ARID4A: variants seen among roughly 807,000 people sequenced by gnomAD.
The protein encoded by ARID4A is AT-rich interaction domain 4A, also known as AT-rich interactive domain-containing protein 4A.
In ARID4A, 39 loss-of-function variants were observed where a neutral mutation model predicts 148.6. The observed-to-expected ratio is 0.26, with a 90% CI of 0.20 to 0.34. The LOEUF (loss-of-function observed/expected upper bound fraction) is 0.34, where lower values mean the gene tolerates loss of function less well. Among genes scored for constraint, ARID4A ranks in the 10% least tolerant of loss-of-function variants. The pLI is 1.00. For synonymous variants in ARID4A, 475 were observed against 481.2 expected (o/e 0.99, Z 0.17); for missense variants, 1,265 against 1,449.1 (o/e 0.87, Z 2.06).
chr14:58,328,266 C>A lies in ARID4A; in HGVS notation c.612C>A (p.Ile204=). 1 of 1,602,008 alleles carries A rather than the reference C, an allele frequency of 6.2e-7. No individual in the cohort carries two copies. Among genetic ancestry groups the A allele is most frequent in the Non-Finnish European group, 8.5e-7 (1 of 1,169,970 alleles). The change falls in exon 9 of 24, where the codon ATC becomes ATA. Residue 204 remains isoleucine, a synonymous_variant. Coordinates refer to ENST00000355431, the MANE Select transcript of ARID4A (RefSeq NM_002892.4). ...TATCTCCCAGCTGTAATGATGACAT[C>A]ACAGTGAAAAAGGATCAGTGTTTAG... is the stretch of plus-strand genomic sequence containing the variant. ...LVISPSCNDD[I]TVKKDQCLVR...
intron 8 of ARID4A, among the ~76,000 whole-genome samples, chr14:58,327,861 C>T (rs1157954125): frequency 1.3e-5 from 2 of 151,928 alleles, no homozygotes; most frequent in Admixed American, 1.3e-4. Flanking sequence ...TTGGTAGAGA[C>T]AGGGTCCCAC....
chr14:58,371,326 ACT>A (rs1051290105), intron 23 of ARID4A, among the ~76,000 whole-genome samples: 1 of 152,148 alleles, frequency 6.6e-6, no homozygotes, highest in African/African-American at 2.4e-5. Context: ...AAAGCAAAGA[ACT>A]TAAAAAGTGG....
intron 8 of ARID4A, 83 bp downstream of exon 8, chr14:58,323,700 TTG>T: frequency 1.5e-6 from 2 of 1,316,530 alleles, no homozygotes; most frequent in Non-Finnish European, 2.1e-6. Flanking sequence ...TTAAAATATT[TTG>T]AAAGTATTAA....
intron 11 of ARID4A, among the ~76,000 whole-genome samples, chr14:58,332,082 A>C (rs2033561523): frequency 6.9e-6 from 1 of 145,926 alleles, no homozygotes; most frequent in Admixed American, 6.8e-5. Context: ...ATTATAAAAT[A>C]GTAAATTGTA....
rs112360742 is a variant in ARID4A at position 58,327,213 on chromosome 14, A to G, written c.583-1024A>G. Among the ~76,000 whole-genome samples the G allele has an allele frequency of 3.9e-5, 6 of 152,348 alleles. 1 individual carries two copies. Among genetic ancestry groups the G allele is most frequent in the African/African-American group, 1.4e-4 (6 of 41,588 alleles). ...TCAAGTGTTTAGCACCATGTGACTC[A>G]CTGCTACTGTATAGGGCAGTGCAGA... On this transcript the variant is annotated intron_variant, in intron 8 of 23. Transcript: ENST00000355431.
chr14:58,351,808 T>C (rs1204286880), intron 16 of ARID4A: 4 of 152,332 alleles, frequency 2.6e-5, no homozygotes, highest in African/African-American at 9.6e-5. Context: ...GATTCTAGTT[T>C]GGAAAATACA....
At chr14:58,333,168 C>T (rs1043646075) in intron 11 of ARID4A, among the ~76,000 whole-genome samples, 2 of 151,950 alleles carry the variant, frequency 1.3e-5, no homozygotes, top group African/African-American at 4.8e-5. Context: ...TAGGTTTTAT[C>T]TATATTGATT....
intron 18 of ARID4A, among the ~76,000 whole-genome samples, chr14:58,360,116 TTTATA>T (rs1488279800): frequency 6.6e-6 from 1 of 152,160 alleles, no homozygotes; most frequent in Non-Finnish European, 1.5e-5. Flanking sequence ...TGATTTTCTC[TTTATA>T]ACCCAGGAGC....
chr14:58,366,663 TAATA>T (rs1430929159), intron 22 of ARID4A, among the ~76,000 whole-genome samples: 2 of 152,302 alleles, frequency 1.3e-5, no homozygotes, highest in East Asian at 1.9e-4. Flanking sequence ...ATCATTTAAG[TAATA>T]AATGTTTAGT....
chr14:58,354,697 A>G lies in ARID4A; in HGVS notation c.1853+842A>G, dbSNP rs975187123. On this transcript the variant is annotated intron_variant, in intron 17 of 23. Coordinates refer to ENST00000355431, the MANE Select transcript of ARID4A (RefSeq NM_002892.4). The stretch of plus-strand genomic sequence containing the variant: ...AACCCTGTCTCATAAATAAAAAAAA[A>G]AAAAAAGAAAAAAGAGATTTTGCTC... Among the ~76,000 whole-genome samples the G allele has an allele frequency of 4.0e-5, 6 of 151,478 alleles. No individual in the cohort carries two copies. In the South Asian group the frequency reaches 6.2e-4, roughly 16 times the overall value.
chr14:58,340,575 T>C (rs1311454580), intron 11 of ARID4A, among the ~76,000 whole-genome samples: 2 of 152,090 alleles, frequency 1.3e-5, no homozygotes, highest in African/African-American at 2.4e-5. Flanking sequence ...GTCTTGAACT[T>C]CTGAGCTCAG....
chr14:58,314,842 G>T (rs969625943), intron 5 of ARID4A, among the ~76,000 whole-genome samples: 7 of 152,126 alleles, frequency 4.6e-5, no homozygotes, highest in Non-Finnish European at 1.0e-4. Flanking sequence ...TCTTAGTCTG[G>T]GTTCAGTGGC....
At position 58,362,341 on chromosome 14, in the gene ARID4A, C is replaced by T. The variant is rs373832207; in HGVS notation, c.2080+1299C>T. On this transcript the variant is annotated intron_variant, in intron 19 of 23. Coordinates refer to ENST00000355431, the MANE Select transcript of ARID4A (RefSeq NM_002892.4). ...CAGTGGTTCATGCCTGTAATCCCAG[C>T]ACCTTGGGAGGCTGAGGCAAAAGGA... 4.7e-4 allele frequency among the ~76,000 whole-genome samples: 71 copies of T among 152,238 alleles called. 1 individual carries two copies. The highest frequency in any genetic ancestry group is 3.4e-3 in the Middle Eastern group (1 of 294).
intron 11 of ARID4A, among the ~76,000 whole-genome samples, chr14:58,341,332 C>T (rs1047995495): frequency 6.6e-6 from 1 of 152,234 alleles, no homozygotes; most frequent in Middle Eastern, 3.2e-3. Flanking sequence ...TTACAAAGTC[C>T]TTTCCTAATC....
rs572994165 is a variant in ARID4A, at chr14:58,340,729, C to T, written c.907-3966C>T. ...CGAACTCCTGACCTCAGGTAATCCACCTGTCTTGGCCCCCCAAAGTGCTGG... is the reference window on the plus strand; with the variant it reads ...CGAACTCCTGACCTCAGGTAATCCATCTGTCTTGGCCCCCCAAAGTGCTGG... On this transcript the variant is annotated intron_variant, in intron 11 of 23. Transcript: ENST00000355431. 2.0e-5 allele frequency among the ~76,000 whole-genome samples: 3 copies of T among 152,262 alleles called. No homozygotes were observed. In the East Asian group the frequency reaches 5.8e-4, roughly 29 times the overall value.
intron 8 of ARID4A, among the ~76,000 whole-genome samples, chr14:58,327,080 A>C (rs1490018838): frequency 1.3e-5 from 2 of 152,236 alleles, no homozygotes; most frequent in Admixed American, 1.3e-4. Context: ...GATATACACT[A>C]TTCAGTATGA....
intron 15 of ARID4A, among the ~76,000 whole-genome samples, chr14:58,350,453 G>C (rs1421904548): frequency 6.6e-6 from 1 of 152,214 alleles, no homozygotes; most frequent in Admixed American, 6.5e-5. Context: ...TCAGCATTCA[G>C]TGGGCTAGAT....
At chr14:58,346,551 A>C in intron 13 of ARID4A, 46 bp downstream of exon 13, 1 of 1,324,938 alleles carries the variant, frequency 7.5e-7, no homozygotes, top group Non-Finnish European at 1.1e-6. Context: ...TGTGGTAAAA[A>C]GTTAAGTTAT....
chr14:58,341,626 T>C (rs2034122565), intron 11 of ARID4A, among the ~76,000 whole-genome samples: 1 of 152,248 alleles, frequency 6.6e-6, no homozygotes, highest in Non-Finnish European at 1.5e-5. Flanking sequence ...TCCACAGTGC[T>C]TTTGAACAAT....
Sources: allele counts gnomAD v4.1 joint callset (sites outside exome capture counted in the v4.1 genomes callset), GRCh38; gene constraint gnomAD v4.1.1; transcripts MANE v1.5; gene names NCBI Gene and HGNC (gene_info 2026-07-23, HGNC 2026-07-21).